The following HSD17B3 variants were observed in gnomAD, a reference collection of about 807,000 sequenced individuals.
The protein encoded by HSD17B3 is 17-beta-hydroxysteroid dehydrogenase type 3.
A neutral mutation model predicts 41.1 loss-of-function variants in HSD17B3; 29 were observed. That is an observed-to-expected ratio of 0.71 (90% CI 0.53 to 0.96). HSD17B3 has a LOEUF of 0.96. Among genes scored for constraint, HSD17B3 ranks in the 40% least tolerant of loss-of-function variants. The pLI, the probability that HSD17B3 is intolerant of heterozygous loss-of-function variation, is 0.00. For synonymous variants in HSD17B3, 126 were observed against 145.6 expected (o/e 0.87, Z 0.97); for missense variants, 323 against 374.6 (o/e 0.86, Z 1.14).
chr9:96,292,946 T>A (rs569567196), intron 2 of HSD17B3, among the ~76,000 whole-genome samples: 1 of 152,240 alleles, frequency 6.6e-6, no homozygotes, highest in East Asian at 1.9e-4. Flanking sequence ...CAAAACAATC[T>A]TTTAGGAATG....
intron 2 of HSD17B3, among the ~76,000 whole-genome samples, chr9:96,286,774 A>G (rs931310973): frequency 6.6e-6 from 1 of 152,084 alleles, no homozygotes; most frequent in African/African-American, 2.4e-5. Flanking sequence ...CACCAGCACC[A>G]TATCAGTTTA....
At chr9:96,261,599 G>C (rs1018156170) in intron 2 of HSD17B3, among the ~76,000 whole-genome samples, 1 of 152,192 alleles carries the variant, frequency 6.6e-6, no homozygotes, top group Admixed American at 6.5e-5. Flanking sequence ...GGGTGCATTC[G>C]CCAGGGCCAA....
chr9:96,246,875 G>A (rs1224444667), intron 6 of HSD17B3, among the ~76,000 whole-genome samples: 1 of 152,128 alleles, frequency 6.6e-6, no homozygotes, highest in East Asian at 1.9e-4. Context: ...TGAAAAATTG[G>A]GGGAATTGGC....
rs1053558256 is a variant in HSD17B3, at chr9:96,245,437, A to G, written c.525-11T>C. Reference sequence around the variant, plus strand: ...ATGAGACCTTTCTGCCTGAAAGGCAAAGAAGCAAAGTTCCCATGGCTTTGT... The same window carrying G: ...ATGAGACCTTTCTGCCTGAAAGGCAGAGAAGCAAAGTTCCCATGGCTTTGT... On this transcript the variant is annotated splice_polypyrimidine_tract_variant and intron_variant, in intron 7 of 10. Transcript: ENST00000375263. 3 of 1,608,786 alleles carry G rather than the reference A, an allele frequency of 1.9e-6. No homozygotes were observed. In the African/African-American group the frequency reaches 4.0e-5, roughly 21 times the overall value.
intron 2 of HSD17B3, among the ~76,000 whole-genome samples, chr9:96,270,930 T>C (rs1327985802): frequency 1.6e-5 from 2 of 126,880 alleles, no homozygotes; most frequent in Non-Finnish European, 3.2e-5. Context: ...ACAAGTGTAG[T>C]GAGAAGATCT....
chr9:96,296,092 T>A (rs756060974), intron 2 of HSD17B3, among the ~76,000 whole-genome samples: 1 of 151,808 alleles, frequency 6.6e-6, no homozygotes, highest in Non-Finnish European at 1.5e-5. Flanking sequence ...GTACAAAAAA[T>A]TTAAAAATTA....
intron 2 of HSD17B3, among the ~76,000 whole-genome samples, chr9:96,277,614 G>A (rs1261673797): frequency 6.6e-6 from 1 of 152,148 alleles, no homozygotes; most frequent in East Asian, 1.9e-4. Context: ...GTATACTGTT[G>A]GTGGGAATGT....
chr9:96,241,002 G>T, intron 9 of HSD17B3, 95 bp from the exon 10 acceptor site: 1 of 1,439,632 alleles, frequency 6.9e-7, no homozygotes, highest in South Asian at 1.2e-5. Context: ...ACCATTTCCC[G>T]ACCCTTCTCT....
Position 96,270,958 on chromosome 9 carries a change from G to T in HSD17B3, c.202-16015C>A, listed in dbSNP as rs369020336. ...GAAGATCTCTCAAATCCTCTCGGGG[G>T]GGGGGGTTAAGATTGATATTATCAA... On this transcript the variant is annotated intron_variant, in intron 2 of 10. Coordinates refer to ENST00000375263, the MANE Select transcript of HSD17B3 (RefSeq NM_000197.2). Among the ~76,000 whole-genome samples, 444 of 147,374 alleles carry T rather than the reference G, an allele frequency of 3.0e-3. 8 individuals carry two copies. Among genetic ancestry groups the T allele is most frequent in the African/African-American group, 9.6e-3 (383 of 40,060 alleles).
chr9:96,261,835 G>A (rs1308039220), intron 2 of HSD17B3, among the ~76,000 whole-genome samples: 4 of 152,206 alleles, frequency 2.6e-5, no homozygotes, highest in African/African-American at 4.8e-5. Context: ...TGCTAGGCCA[G>A]GAAAGAGAGA....
chr9:96,253,305 G>A (rs1042894196), intron 3 of HSD17B3, among the ~76,000 whole-genome samples: 3 of 152,108 alleles, frequency 2.0e-5, no homozygotes, highest in Non-Finnish European at 4.4e-5. Flanking sequence ...ACACACCTCC[G>A]AGGGACTCTG....
At chr9:96,254,752 G>A (rs759863523) in intron 3 of HSD17B3, 116 bp downstream of exon 3, 9 of 868,150 alleles carry the variant, frequency 1.0e-5, no homozygotes, top group Non-Finnish European at 1.5e-5. Context: ...CAGGAGAGCT[G>A]GTGCCCCAGG....
intron 1 of HSD17B3, among the ~76,000 whole-genome samples, chr9:96,300,954 T>C (rs1587802250): frequency 1.3e-5 from 2 of 152,228 alleles, no homozygotes; most frequent in East Asian, 3.8e-4. Context: ...GATTTCAAAA[T>C]TTGGAAACAC....
At chr9:96,283,347 C>A (rs1313873995) in intron 2 of HSD17B3, among the ~76,000 whole-genome samples, 4 of 152,082 alleles carry the variant, frequency 2.6e-5, no homozygotes, top group African/African-American at 9.7e-5. Flanking sequence ...TGCTCTTTAA[C>A]AAAAATTGTA....
At chr9:96,243,520 G>A (rs755778152) in intron 9 of HSD17B3, among the ~76,000 whole-genome samples, 23 of 152,306 alleles carry the variant, frequency 1.5e-4, no homozygotes, top group Middle Eastern at 3.4e-3. Flanking sequence ...ATCAGTGTGC[G>A]CAGCAATAAT....
chr9:96,262,229 CTTTTTTTTTTTTTTT>C (rs71368240), intron 2 of HSD17B3, among the ~76,000 whole-genome samples: 1 of 54,202 alleles, frequency 1.8e-5, no homozygotes, highest in African/African-American at 8.0e-5. Context: ...ATGTCAATTG[CTTTTTTTTTTTTTTT>C]TTTTTTTTTT....
chr9:96,261,437 C>T (rs918671803), intron 2 of HSD17B3, among the ~76,000 whole-genome samples: 8 of 152,298 alleles, frequency 5.3e-5, no homozygotes, highest in East Asian at 1.9e-4. Context: ...TCAGGTGATC[C>T]GCCCGCCTTG....
chr9:96,290,495 A>G (rs1462227534), intron 2 of HSD17B3, among the ~76,000 whole-genome samples: 1 of 128,378 alleles, frequency 7.8e-6, no homozygotes, highest in Non-Finnish European at 1.6e-5. Context: ...TATCCCAGAC[A>G]TTGCTGGAGA....
chr9:96,254,794 A>C, intron 3 of HSD17B3, 74 bp downstream of exon 3: 1 of 1,281,048 alleles, frequency 7.8e-7, no homozygotes, highest in Non-Finnish European at 1.1e-6. Flanking sequence ...TGCCAAGTAC[A>C]TCAACTGGCA....
Sources: allele counts gnomAD v4.1 joint callset (sites outside exome capture counted in the v4.1 genomes callset), GRCh38; gene constraint gnomAD v4.1.1; transcripts MANE v1.5; gene names NCBI Gene and HGNC (gene_info 2026-07-23, HGNC 2026-07-21).